Variants in SIM1 observed in about 807,000 individuals in gnomAD.
SIM1 encodes the protein single-minded homolog 1.
In SIM1, 18 loss-of-function variants were observed where a neutral mutation model predicts 78.2. The observed-to-expected ratio is 0.23, with a 90% CI of 0.16 to 0.34. The LOEUF is 0.34. SIM1 is among the 10% of genes least tolerant of loss of function. The probability of loss-of-function intolerance (pLI) is 1.00; values close to 1 mark genes in which losing one functional copy is unlikely to be tolerated. For missense variants in SIM1, 939 were observed against 975.1 expected, an observed-to-expected ratio of 0.96 and a Z score of 0.49; for synonymous variants, 417 against 385.2, an observed-to-expected ratio of 1.08 and a Z score of -0.97.
intron 6 of SIM1, 47 bp from the exon 7 acceptor site, chr6:100,448,725 G>A: frequency 6.4e-7 from 1 of 1,552,202 alleles, no homozygotes; most frequent in Non-Finnish European, 8.8e-7. Context: ...GGTAGGAAGA[G>A]CCCCCAAAAG....
chr6:100,448,061 C>T (rs911960774), intron 8 of SIM1, 85 bp downstream of exon 8: 5 of 1,122,416 alleles, frequency 4.5e-6, no homozygotes, highest in East Asian at 2.6e-5. Context: ...TGTCCTCTTG[C>T]GAGGGATTTA....
At chr6:100,426,678 C>T (rs1394632110) in intron 9 of SIM1, among the ~76,000 whole-genome samples, 1 of 152,148 alleles carries the variant, frequency 6.6e-6, no homozygotes, top group Non-Finnish European at 1.5e-5. Context: ...AATGAGTGTA[C>T]AGAGAAAGCA....
chr6:100,408,258 A>T (rs576533396), intron 10 of SIM1, among the ~76,000 whole-genome samples: 172 of 152,090 alleles, frequency 1.1e-3, no homozygotes, highest in African/African-American at 3.5e-3. Flanking sequence ...TTGATCATAT[A>T]TATGTGGGTT....
intron 9 of SIM1, chr6:100,437,584 A>C (rs1772089220): frequency 7.1e-6 from 1 of 139,940 alleles, no homozygotes; most frequent in East Asian, 2.3e-4. Context: ...AAAAAGAAAA[A>C]AAAACATATT....
intron 8 of SIM1, among the ~76,000 whole-genome samples, chr6:100,447,740 T>C (rs1772395646): frequency 6.6e-6 from 1 of 152,198 alleles, no homozygotes; most frequent in Non-Finnish European, 1.5e-5. Context: ...GCAGCTGAGC[T>C]CCGGCGCTCA....
At position 100,407,742 on chromosome 6, in the gene SIM1, C is replaced by T. The variant is rs79964696; in HGVS notation, c.1167+13048G>A. 6.0e-3 allele frequency among the ~76,000 whole-genome samples: 913 copies of T among 152,132 alleles called. 5 individuals carry two copies. Among genetic ancestry groups the T allele is most frequent in the Non-Finnish European group, 8.4e-3 (571 of 67,948 alleles). The stretch of plus-strand genomic sequence containing the variant: ...ATGTACATGTTGGCCATTTGTATGC[C>T]TTCTTCAGGAAAAGGTCTAGTCAGG... On this transcript the variant is annotated intron_variant, in intron 10 of 11. Coordinates refer to ENST00000369208, the MANE Select transcript of SIM1 (RefSeq NM_005068.3).
At chr6:100,426,722 A>G (rs1771741511) in intron 9 of SIM1, among the ~76,000 whole-genome samples, 1 of 152,206 alleles carries the variant, frequency 6.6e-6, no homozygotes, top group South Asian at 2.1e-4. Flanking sequence ...TGTTGATTCA[A>G]GATTATTTGC....
intron 9 of SIM1, among the ~76,000 whole-genome samples, chr6:100,444,412 G>T (rs1227316622): frequency 2.0e-5 from 3 of 152,126 alleles, no homozygotes; most frequent in Non-Finnish European, 2.9e-5. Flanking sequence ...AACAGGGTAT[G>T]TGTGTCTTGC....
chr6:100,402,658 A>G (rs1770950606), intron 10 of SIM1, among the ~76,000 whole-genome samples: 1 of 141,064 alleles, frequency 7.1e-6, no homozygotes, highest in Non-Finnish European at 1.5e-5. Context: ...GCTCACGGCA[A>G]GCTCCGCCTC....
intron 10 of SIM1, among the ~76,000 whole-genome samples, chr6:100,412,920 C>T (rs1250070131): frequency 6.6e-6 from 1 of 152,114 alleles, no homozygotes; most frequent in Non-Finnish European, 1.5e-5. Context: ...TGCAGCCCCT[C>T]TGCAAATCTT....
chr6:100,439,320 C>A (rs933013288), intron 9 of SIM1, among the ~76,000 whole-genome samples: 2 of 152,176 alleles, frequency 1.3e-5, no homozygotes, highest in African/African-American at 4.8e-5. Context: ...TCAAAACACT[C>A]TACTTCTGCT....
chr6:100,417,341 G>C (rs1771430371), intron 10 of SIM1, among the ~76,000 whole-genome samples: 1 of 152,128 alleles, frequency 6.6e-6, no homozygotes, highest in South Asian at 2.1e-4. Context: ...GACTTCATCT[G>C]TACTGCGAAA....
chr6:100,454,727 C>A (rs1343299714), intron 2 of SIM1, among the ~76,000 whole-genome samples: 1 of 152,150 alleles, frequency 6.6e-6, no homozygotes, highest in Non-Finnish European at 1.5e-5. Context: ...CAAACTTTCT[C>A]TGGTGATGCC....
Position 100,449,711 on chromosome 6 carries a change from A to G in SIM1, c.349-12T>C. 2 of 1,609,356 alleles carry G rather than the reference A, an allele frequency of 1.2e-6. No homozygotes were observed. Among genetic ancestry groups the G allele is most frequent in the Non-Finnish European group, 8.5e-7 (1 of 1,176,816 alleles). ...CCGGTCAGCTCTACCTGTAAAGAGG[A>G]GGATGTCGCCGTCGCCGTGGCGGTG... is the stretch of plus-strand genomic sequence containing the variant. On this transcript the variant is annotated splice_polypyrimidine_tract_variant and intron_variant, in intron 4 of 11. Transcript: ENST00000369208.
intron 9 of SIM1, among the ~76,000 whole-genome samples, chr6:100,426,741 T>C (rs1355941636): frequency 1.3e-5 from 2 of 152,240 alleles, no homozygotes; most frequent in African/African-American, 4.8e-5. Flanking sequence ...GCAAGAACTT[T>C]TCTCTTCCAC....
intron 2 of SIM1, among the ~76,000 whole-genome samples, chr6:100,460,354 G>A (rs1772810417): frequency 1.3e-5 from 2 of 152,138 alleles, no homozygotes; most frequent in African/African-American, 4.8e-5. Flanking sequence ...GATTTTGTTT[G>A]TTCATTTAAC....
At chr6:100,410,953 C>A (rs1028365193) in intron 10 of SIM1, among the ~76,000 whole-genome samples, 8 of 152,148 alleles carry the variant, frequency 5.3e-5, no homozygotes, top group Admixed American at 6.5e-5. Context: ...TCCAGAATAT[C>A]AAAAACCAAG....
At chr6:100,430,336 G>A (rs1771868819) in intron 9 of SIM1, among the ~76,000 whole-genome samples, 1 of 152,106 alleles carries the variant, frequency 6.6e-6, no homozygotes, top group South Asian at 2.1e-4. Context: ...CTTGGAGGCT[G>A]GAGGAGGGTG....
Position 100,450,696 on chromosome 6 carries a change from T to TCACA in SIM1, c.259-344_259-341dup, listed in dbSNP as rs112151329. 1.5e-3 allele frequency among the ~76,000 whole-genome samples: 142 copies of TCACA among 91,894 alleles called. 4 individuals are homozygous for TCACA. The highest frequency in any genetic ancestry group is 2.4e-3 in the South Asian group (5 of 2,120). 60.3% of individuals were successfully genotyped at this position (91,894 alleles called of 152,430 possible). Reference sequence around the variant, plus strand: ...CTCTCTCTCTCTCTCTCTCTCTCTCTCACACACACACACACACACACACAC... The same window carrying TCACA: ...CTCTCTCTCTCTCTCTCTCTCTCTCTCACACACACACACACACACACACACACAC... On this transcript the variant is annotated intron_variant, in intron 3 of 11. Coordinates refer to ENST00000369208, the MANE Select transcript of SIM1 (RefSeq NM_005068.3).
Sources: allele counts gnomAD v4.1 joint callset (sites outside exome capture counted in the v4.1 genomes callset), GRCh38; gene constraint gnomAD v4.1.1; transcripts MANE v1.5; gene names NCBI Gene and HGNC (gene_info 2026-07-23, HGNC 2026-07-21).